UPP2: variants seen among roughly 807,000 people sequenced by gnomAD.
UPP2 encodes UPase 2.
UPP2 carries 23 observed loss-of-function variants against 26.7 expected under a neutral mutation model. The ratio of observed to expected loss-of-function variants is 0.86; its 90% CI spans 0.62 to 1.22. UPP2 has a LOEUF of 1.22. Among genes scored for constraint, UPP2 ranks in the 50% most tolerant of loss-of-function variants. The pLI is 0.00. For synonymous variants in UPP2, 127 were observed against 141.3 expected (o/e 0.90, Z 0.72); for missense variants, 387 against 396.7 (o/e 0.98, Z 0.21).
intron 3 of UPP2, among the ~76,000 whole-genome samples, chr2:158,070,977 T>C (rs544198886): frequency 4.6e-5 from 7 of 152,248 alleles, no homozygotes; most frequent in Non-Finnish European, 7.4e-5. Context: ...GAGAGATCAT[T>C]TGGATCAGCC....
At chr2:158,121,923 G>C (rs1683577332) in intron 5 of UPP2, among the ~76,000 whole-genome samples, 1 of 151,994 alleles carries the variant, frequency 6.6e-6, no homozygotes, top group South Asian at 2.1e-4. Context: ...GCAGCTCTAA[G>C]AGAAGGGAAG....
rs1432892663 is a variant in UPP2 at position 158,101,887 on chromosome 2, TA to T, written c.-173del. 1 of 1,345,868 alleles carries T rather than the reference TA, an allele frequency of 7.4e-7. No individual in the cohort carries two copies. Among genetic ancestry groups the T allele is most frequent in the Non-Finnish European group, 9.5e-7 (1 of 1,052,794 alleles). 83.4% of individuals were successfully genotyped at this position (1,345,868 alleles called of 1,614,324 possible). A position where few individuals can be genotyped will look rare whatever the true frequency, so the allele number is the denominator to read the frequency against. On this transcript the variant is annotated 5_prime_UTR_variant, in exon 1 of 7. It adds an upstream start codon to the 5' untranslated region. Coordinates refer to ENST00000005756, the MANE Select transcript of UPP2 (RefSeq NM_173355.4). Reference sequence around the variant, plus strand: ...ACATCTTTTATTTGATAGGAAAATTTAAAATGCTAAAGGAAAAATTTTCTTA... The same window carrying T: ...ACATCTTTTATTTGATAGGAAAATTTAAATGCTAAAGGAAAAATTTTCTTA...
At chr2:158,111,026 T>C (rs1257559251) in intron 2 of UPP2, among the ~76,000 whole-genome samples, 1 of 152,244 alleles carries the variant, frequency 6.6e-6, no homozygotes, top group Non-Finnish European at 1.5e-5. Flanking sequence ...ATCGCATTTG[T>C]CAATTTTGGC....
chr2:158,067,480 T>C (rs1682456091), intron 3 of UPP2, among the ~76,000 whole-genome samples: 2 of 152,108 alleles, frequency 1.3e-5, no homozygotes, highest in African/African-American at 4.8e-5. Flanking sequence ...GGAATTCCTC[T>C]TCACTGCCTT....
chr2:158,077,784 C>A (rs555572441), intron 3 of UPP2, among the ~76,000 whole-genome samples: 19 of 152,012 alleles, frequency 1.2e-4, no homozygotes, highest in Non-Finnish European at 2.5e-4. Context: ...AATGGGATCA[C>A]ATCAAGTTAA....
At chr2:158,128,279 C>A (rs541106508) in intron 6 of UPP2, among the ~76,000 whole-genome samples, 1 of 152,210 alleles carries the variant, frequency 6.6e-6, no homozygotes, top group East Asian at 1.9e-4. Context: ...TAGTACAGTT[C>A]AATGAGAGGG....
chr2:158,067,836 A>G (rs1420397477), intron 3 of UPP2, among the ~76,000 whole-genome samples: 2 of 152,150 alleles, frequency 1.3e-5, no homozygotes, highest in Non-Finnish European at 1.5e-5. Context: ...TCACCTTAGC[A>G]TCTTTAAGTT....
At chr2:158,119,598 T>C (rs1478715263) in intron 4 of UPP2, among the ~76,000 whole-genome samples, 2 of 152,014 alleles carry the variant, frequency 1.3e-5, no homozygotes, top group Non-Finnish European at 2.9e-5. Flanking sequence ...CACTAACACA[T>C]TTAAATATTA....
chr2:158,021,989 G>T (rs1574249370), intron 3 of UPP2, among the ~76,000 whole-genome samples: 3 of 150,596 alleles, frequency 2.0e-5, no homozygotes, highest in Admixed American at 2.0e-4. Context: ...CCTGACAAAT[G>T]GATCCCCACA....
chr2:158,127,993 A>G (rs1195124580), intron 6 of UPP2: 10 of 985,280 alleles, frequency 1.0e-5, no homozygotes, highest in Non-Finnish European at 1.1e-5. Context: ...AGCCCCAAAC[A>G]TTCTGATGAA....
rs761205005 is a variant in UPP2 at position 158,121,468 on chromosome 2, C to G, written c.514C>G (p.Arg172Gly). ...AGCTGTAGACTCCTTCTTTAAGCCC[C>G]GGTTTGAACAGGTCATTTTGGACAA... ...DIAVDSFFKP[R>G]FEQVILDNIV... The change falls in exon 5 of 7, where the codon CGG becomes GGG. Residue 172 changes from arginine (R) to glycine (G), a missense_variant. Transcript: ENST00000005756. The G allele has an allele frequency of 1.9e-6, 3 of 1,613,426 alleles. No homozygotes were observed. The highest frequency in any genetic ancestry group is 2.2e-5 in the East Asian group (1 of 44,860).
In UPP2 at chr2:158,093,907, G is replaced by GA. The variant is rs1431002857; in HGVS notation, c.148-8127dup. ...AAGATACCCATAAGGATGTTTACAG[G>GA]AAAAAATTGGAAGCAACATAAAAAA... is the stretch of plus-strand genomic sequence containing the variant. On this transcript the variant is annotated intron_variant, in intron 3 of 9. Transcript: ENST00000605860. Among the ~76,000 whole-genome samples, 14 of 150,612 alleles carry GA rather than the reference G, an allele frequency of 9.3e-5. No homozygotes were observed. The East Asian group carries it at 2.3e-3, about 25-fold the overall frequency.
intron 3 of UPP2, among the ~76,000 whole-genome samples, chr2:158,078,408 G>A (rs932501627): frequency 1.3e-5 from 2 of 152,116 alleles, no homozygotes; most frequent in African/African-American, 4.8e-5. Context: ...ATGAATGGAT[G>A]AATGAATGTG....
At chr2:158,087,275 A>G (rs1288027923) in intron 3 of UPP2, among the ~76,000 whole-genome samples, 1 of 152,110 alleles carries the variant, frequency 6.6e-6, no homozygotes, top group Non-Finnish European at 1.5e-5. Flanking sequence ...CTGTTGCTTT[A>G]AAGTTTGTTT....
At chr2:158,125,418 C>T (rs1007758704) in intron 6 of UPP2, among the ~76,000 whole-genome samples, 1 of 142,318 alleles carries the variant, frequency 7.0e-6, no homozygotes, top group African/African-American at 2.9e-5. Flanking sequence ...CATTTTTGTA[C>T]TCTTTTTTTT....
intron 3 of UPP2, among the ~76,000 whole-genome samples, chr2:158,090,360 G>A (rs1467986776): frequency 1.3e-5 from 2 of 152,078 alleles, no homozygotes; most frequent in Admixed American, 6.5e-5. Flanking sequence ...AATTAGCCAG[G>A]CGTGGTGGTG....
rs552982077 is a variant in UPP2 at position 158,006,396 on chromosome 2, G to C, written c.62-9405G>C. Among the ~76,000 whole-genome samples, 485 of 151,768 alleles carry C rather than the reference G, an allele frequency of 3.2e-3. 2 individuals are homozygous for C. The highest frequency in any genetic ancestry group is 0.011 in the African/African-American group (451 of 41,354). On this transcript the variant is annotated intron_variant, in intron 2 of 9. Coordinates refer to the UPP2 transcript ENST00000605860. The stretch of plus-strand genomic sequence containing the variant: ...AGGCAGGAGAATGGCGTGAACAAGG[G>C]AGGCGGAGCCTCGGCTCTTGCAATG...
intron 2 of UPP2, among the ~76,000 whole-genome samples, chr2:157,997,323 G>A (rs887365931): frequency 1.3e-5 from 2 of 151,694 alleles, no homozygotes; most frequent in Non-Finnish European, 2.9e-5. Flanking sequence ...TTTATTATAA[G>A]TTTACCATTT....
chr2:158,096,622 T>A (rs1682990221), intron 3 of UPP2, among the ~76,000 whole-genome samples: 1 of 149,112 alleles, frequency 6.7e-6, no homozygotes, highest in South Asian at 2.1e-4. Context: ...TAAATAAATA[T>A]AATAAACAAT....
Sources: gnomAD v4.1 joint callset for allele counts (sites outside exome capture counted in the v4.1 genomes callset) on GRCh38, gnomAD v4.1.1 for gene constraint, MANE v1.5 for transcripts, NCBI Gene and HGNC (gene_info 2026-07-23, HGNC 2026-07-21) for gene names.